The following LOXHD1 variants were observed in gnomAD, a reference collection of about 807,000 sequenced individuals.
LOXHD1 encodes the protein lipoxygenase homology PLAT domains 1.
Under a neutral mutation model 248.2 loss-of-function variants are expected in LOXHD1, and 205 were observed. The observed-to-expected ratio is 0.83, with a 90% CI of 0.74 to 0.93. The LOEUF is 0.93. Ranked by LOEUF, LOXHD1 falls within the 40% of genes least tolerant of loss-of-function variation. LOXHD1 has a pLI of 0.00. For synonymous variants in LOXHD1, 1,113 were observed against 1,162.8 expected (o/e 0.96, Z 0.87); for missense variants, 2,930 against 2,971.6 (o/e 0.99, Z 0.33).
chr18:46,557,223 G>T (rs2037378449), intron 21 of LOXHD1, 133 bp downstream of exon 21: 4 of 1,078,760 alleles, frequency 3.7e-6, no homozygotes, highest in South Asian at 1.5e-5. Flanking sequence ...TCACCCTTAG[G>T]TGTCACCCAG....
chr18:46,554,072 A>G (rs912878162), intron 21 of LOXHD1, among the ~76,000 whole-genome samples: 21 of 152,218 alleles, frequency 1.4e-4, no homozygotes, highest in African/African-American at 5.1e-4. Context: ...CAGGATTTGG[A>G]GCAGAGGAGT....
At chr18:46,610,961 A>C in intron 5 of LOXHD1, 37 bp from the exon 6 acceptor site, 1 of 1,546,546 alleles carries the variant, frequency 6.5e-7, no homozygotes, top group Non-Finnish European at 8.7e-7. Context: ...TTACAAAAAG[A>C]CCAGAAGAAA....
chr18:46,568,627 T>A (rs2037690354), intron 16 of LOXHD1, among the ~76,000 whole-genome samples: 1 of 152,186 alleles, frequency 6.6e-6, no homozygotes, highest in South Asian at 2.1e-4. Flanking sequence ...AAGCATCAGT[T>A]AGCAAACCCA....
At chr18:46,643,794 C>G (rs2038993532) in intron 2 of LOXHD1, among the ~76,000 whole-genome samples, 1 of 152,046 alleles carries the variant, frequency 6.6e-6, no homozygotes, top group South Asian at 2.1e-4. Flanking sequence ...AACAGTCACC[C>G]TGGGAAGCTA....
At chr18:46,602,146 A>G (rs193217926) in intron 7 of LOXHD1, among the ~76,000 whole-genome samples, 2 of 152,282 alleles carry the variant, frequency 1.3e-5, no homozygotes, top group African/African-American at 4.8e-5. Context: ...AATACCAAAG[A>G]CAAACATTTG....
intron 37 of LOXHD1, among the ~76,000 whole-genome samples, chr18:46,494,849 C>CTTTTTTTTTTTTTTTTTTTTTTTT (rs58016824): frequency 4.1e-5 from 4 of 96,554 alleles, no homozygotes; most frequent in South Asian, 3.9e-4. Flanking sequence ...TTCTCTCTCT[C>CTTTTTTTTTTTTTTTTTTTTTTTT]TTTTTTTTTT....
At chr18:46,636,208 A>G (rs576605810) in intron 4 of LOXHD1, among the ~76,000 whole-genome samples, 1 of 152,282 alleles carries the variant, frequency 6.6e-6, no homozygotes, top group East Asian at 1.9e-4. Flanking sequence ...AGTCCTAAAG[A>G]TGCCATTCCC....
Position 46,489,049 on chromosome 18 carries a change from T to G in LOXHD1, c.5972A>C (p.Lys1991Thr), listed in dbSNP as rs753276952. The change falls in exon 38 of 41, where the codon AAG becomes ACG. Residue 1991 changes from lysine (K) to threonine (T), a missense_variant. Transcript: ENST00000642948. ...FHFQCDCWLS[K>T]SEGDGQTVRD... The stretch of plus-strand genomic sequence containing the variant: ...GACCGTCTGCCCGTCACCCTCACTC[T>G]TGGAGAGCCAGCAGTCACACTGGAA... 14 of 1,551,592 alleles carry G rather than the reference T, an allele frequency of 9.0e-6. No homozygotes were observed. The highest frequency in any genetic ancestry group is 2.7e-5 in the African/African-American group (2 of 73,046).
intron 14 of LOXHD1, among the ~76,000 whole-genome samples, chr18:46,572,406 G>T (rs1414597323): frequency 6.6e-6 from 1 of 152,184 alleles, no homozygotes; most frequent in Non-Finnish European, 1.5e-5. Context: ...TGGGTAGGAT[G>T]ATGTCACATG....
At position 46,545,434 on chromosome 18, in the gene LOXHD1, T is replaced by C. The variant is rs545297878; in HGVS notation, c.3515-13A>G. On this transcript the variant is annotated splice_polypyrimidine_tract_variant and intron_variant, in intron 22 of 40. Transcript: ENST00000642948. ...GTGGTAGATTTATCTGCCAAGAGAA[T>C]AGTATAGAGCAATGAATTGTAGACT... The C allele has an allele frequency of 4.3e-5, 65 of 1,527,230 alleles. No homozygotes were observed. The East Asian group carries it at 1.2e-3, about 27-fold the overall frequency. The allele number at this position is 1,527,230 out of a possible 1,614,324, so 94.6% of individuals were successfully genotyped here.
chr18:46,503,023 G>C (rs1257913890), intron 37 of LOXHD1, among the ~76,000 whole-genome samples: 1 of 152,114 alleles, frequency 6.6e-6, no homozygotes. Flanking sequence ...CAGCTCTCTG[G>C]GGGGAGTCTC....
At chr18:46,533,614 T>C (rs2036174537) in intron 27 of LOXHD1, 1 of 370,772 alleles carries the variant, frequency 2.7e-6, no homozygotes, top group Non-Finnish European at 5.0e-6. Context: ...AGGAGGGGGG[T>C]GCTCTGTATT....
intron 37 of LOXHD1, among the ~76,000 whole-genome samples, chr18:46,490,619 G>A (rs1381172589): frequency 1.3e-5 from 2 of 152,122 alleles, no homozygotes; most frequent in Non-Finnish European, 1.5e-5. Context: ...GGGATTACAG[G>A]CATGCACCAC....
Position 46,610,942 on chromosome 18 carries a change from C to T in LOXHD1, c.611-18G>A. 1 of 1,549,222 alleles carries T rather than the reference C, an allele frequency of 6.5e-7. No individual in the cohort carries two copies. Among genetic ancestry groups the T allele is most frequent in the Non-Finnish European group, 8.7e-7 (1 of 1,146,294 alleles). ...ACGCTCCCCTGTATGCACAGACATA[C>T]AAAAGAAATTACAAAAAGACCAGAA... On this transcript the variant is annotated intron_variant, in intron 5 of 40. Coordinates refer to ENST00000642948, the MANE Select transcript of LOXHD1 (RefSeq NM_001384474.1).
At chr18:46,560,847 C>T (rs568210856) in intron 18 of LOXHD1, among the ~76,000 whole-genome samples, 31 of 140,404 alleles carry the variant, frequency 2.2e-4, no homozygotes, top group Middle Eastern at 3.7e-3. Context: ...TACACACACA[C>T]ACGCACGCGC....
At chr18:46,612,602 G>A (rs2038524923) in intron 5 of LOXHD1, among the ~76,000 whole-genome samples, 1 of 151,596 alleles carries the variant, frequency 6.6e-6, no homozygotes, top group African/African-American at 2.4e-5. Flanking sequence ...TATTTTTCTT[G>A]TTTTAATAGA....
In LOXHD1 at chr18:46,574,388, T is replaced by C. The variant is rs377348987; in HGVS notation, c.1971-2226A>G. 1.3e-3 allele frequency among the ~76,000 whole-genome samples: 167 copies of C among 125,284 alleles called. 1 individual carries two copies. The highest frequency in any genetic ancestry group is 4.5e-3 in the South Asian group (16 of 3,518). 82.2% of individuals were successfully genotyped at this position (125,284 alleles called of 152,430 possible). ...TCACAGGAGTGTGTGTGTGTACACATACACACACACACACACACACACACA... is the reference window on the plus strand; with the variant it reads ...TCACAGGAGTGTGTGTGTGTACACACACACACACACACACACACACACACA... On this transcript the variant is annotated intron_variant, in intron 14 of 40. Transcript: ENST00000642948.
chr18:46,621,735 A>G (rs772294907), intron 4 of LOXHD1, among the ~76,000 whole-genome samples: 8 of 152,038 alleles, frequency 5.3e-5, no homozygotes, highest in Non-Finnish European at 8.8e-5. Context: ...GTGAAAGACC[A>G]ATTAAAAAAA....
rs1243684455 is a variant in LOXHD1 at position 46,593,637 on chromosome 18, T to C, written c.1394A>G (p.Asn465Ser). The stretch of plus-strand genomic sequence containing the variant: ...GATTATGCCGGGTTTGAACCACTTG[T>C]TGTTGGGATTCAGGAGAATCTCATC... ...RTDEILLNPN[N>S]KWFKPGIIEK... Residue 465 changes from asparagine (N) to serine (S), a missense_variant, in exon 10 of 41, where the codon AAC becomes AGC. Coordinates refer to ENST00000642948, the MANE Select transcript of LOXHD1 (RefSeq NM_001384474.1). 1 of 1,552,362 alleles carries C rather than the reference T, an allele frequency of 6.4e-7. No individual in the cohort carries two copies. Among genetic ancestry groups the C allele is most frequent in the Admixed American group, 2.0e-5 (1 of 51,008 alleles).
Sources: allele counts gnomAD v4.1 joint callset (sites outside exome capture counted in the v4.1 genomes callset), GRCh38; gene constraint gnomAD v4.1.1; transcripts MANE v1.5; gene names NCBI Gene and HGNC (gene_info 2026-07-23, HGNC 2026-07-21).